The following IMMP2L variants were observed in gnomAD, a reference collection of about 807,000 sequenced individuals.
The protein encoded by IMMP2L is mitochondrial inner membrane protease subunit 2.
In IMMP2L, 18 loss-of-function variants were observed where a neutral mutation model predicts 19.3. The ratio of observed to expected loss-of-function variants is 0.93; its 90% CI spans 0.64 to 1.38. The LOEUF (loss-of-function observed/expected upper bound fraction) is 1.38. IMMP2L is among the 40% of genes most tolerant of loss of function. The pLI is 0.00. For missense variants in IMMP2L, 233 were observed against 218.2 expected, an observed-to-expected ratio of 1.07 and a Z score of -0.43; for synonymous variants, 76 against 73.0, an observed-to-expected ratio of 1.04 and a Z score of -0.21.
At chr7:111,485,261 G>C (rs1842531650) in intron 3 of IMMP2L, among the ~76,000 whole-genome samples, 1 of 151,852 alleles carries the variant, frequency 6.6e-6, no homozygotes. Flanking sequence ...GAAAGTTTGT[G>C]TTATTTGTAC....
intron 3 of IMMP2L, among the ~76,000 whole-genome samples, chr7:111,324,751 G>A (rs1212770107): frequency 6.6e-6 from 1 of 151,726 alleles, no homozygotes; most frequent in Non-Finnish European, 1.5e-5. Flanking sequence ...ACAACAATCT[G>A]TTTATTGACA....
At chr7:111,492,261 A>C (rs1843175539) in intron 2 of IMMP2L, 1 of 348,530 alleles carries the variant, frequency 2.9e-6, no homozygotes, top group African/African-American at 2.2e-5. Flanking sequence ...AGATTTTCAA[A>C]ATTAACAAGG....
intron 3 of IMMP2L, among the ~76,000 whole-genome samples, chr7:111,332,477 GAC>G (rs1288894129): frequency 3.3e-5 from 5 of 151,750 alleles, no homozygotes; most frequent in African/African-American, 1.2e-4. Flanking sequence ...TCACAATAAA[GAC>G]ATATTAAATA....
intron 5 of IMMP2L, among the ~76,000 whole-genome samples, chr7:110,795,849 G>T (rs2131178817): frequency 6.6e-6 from 1 of 152,208 alleles, no homozygotes. Context: ...CCCAAGGAGA[G>T]CATTATACAA....
In IMMP2L at chr7:110,728,163, A is replaced by G. The variant is rs1285821978; in HGVS notation, c.409-64442T>C. On this transcript the variant is annotated intron_variant, in intron 5 of 5. Transcript: ENST00000405709. This position sits in a 1 kb window ranked among gnomAD's most constrained non-coding sequence, Gnocchi z 4.6. Reference sequence around the variant, plus strand: ...GGCCAATAGTAAGCATTCATACATAATATCTGCCATGCTTGTTGTTGTTGT... The same window carrying G: ...GGCCAATAGTAAGCATTCATACATAGTATCTGCCATGCTTGTTGTTGTTGT... Among the ~76,000 whole-genome samples the G allele has an allele frequency of 6.6e-6, 1 of 152,166 alleles. No individual in the cohort carries two copies. Among genetic ancestry groups the G allele is most frequent in the East Asian group, 1.9e-4 (1 of 5,200 alleles).
chr7:111,358,497 G>A (rs1160528248), intron 3 of IMMP2L, among the ~76,000 whole-genome samples: 5 of 151,748 alleles, frequency 3.3e-5, no homozygotes, highest in Non-Finnish European at 7.4e-5. Flanking sequence ...ATAATCTTTG[G>A]TTACCATAAT....
At chr7:111,260,577 T>A (rs780534924) in intron 3 of IMMP2L, among the ~76,000 whole-genome samples, 1 of 152,102 alleles carries the variant, frequency 6.6e-6, no homozygotes, top group Non-Finnish European at 1.5e-5. Flanking sequence ...ATGGCACCTA[T>A]AAGGTAATGT....
intron 3 of IMMP2L, among the ~76,000 whole-genome samples, chr7:111,221,084 C>T (rs1375384930): frequency 6.6e-6 from 1 of 151,970 alleles, no homozygotes; most frequent in Non-Finnish European, 1.5e-5. Flanking sequence ...GTTGCCTAGT[C>T]AAGTTGACAC....
At chr7:111,505,238 G>A (rs1225186373) in intron 2 of IMMP2L, among the ~76,000 whole-genome samples, 3 of 151,206 alleles carry the variant, frequency 2.0e-5, no homozygotes, top group African/African-American at 4.9e-5. Flanking sequence ...CATCATCACT[G>A]GCCATCAGAG....
chr7:111,355,547 C>A (rs1828612338), intron 3 of IMMP2L, among the ~76,000 whole-genome samples: 1 of 151,456 alleles, frequency 6.6e-6, no homozygotes, highest in African/African-American at 2.4e-5. Flanking sequence ...CTCATAAATA[C>A]CCACCAGTTT....
intron 3 of IMMP2L, among the ~76,000 whole-genome samples, chr7:111,377,867 T>C (rs1029232722): frequency 6.6e-6 from 1 of 152,028 alleles, no homozygotes; most frequent in African/African-American, 2.4e-5. Context: ...TCCACATATA[T>C]ATCTTATCAT....
intron 3 of IMMP2L, among the ~76,000 whole-genome samples, chr7:111,079,561 A>T (rs2129576256): frequency 6.6e-6 from 1 of 152,346 alleles, no homozygotes; most frequent in South Asian, 2.1e-4. Flanking sequence ...AATGTCCCAA[A>T]TCGCACATGA....
intron 5 of IMMP2L, among the ~76,000 whole-genome samples, chr7:110,790,960 T>C (rs1800421773): frequency 6.6e-6 from 1 of 151,502 alleles, no homozygotes; most frequent in African/African-American, 2.4e-5. Flanking sequence ...CACATACAGA[T>C]GGCCTAACTG....
At position 111,092,357 on chromosome 7, in the gene IMMP2L, A is replaced by G. The variant is rs78285539; in HGVS notation, c.240-128792T>C. Among the ~76,000 whole-genome samples the G allele has an allele frequency of 8.9e-3, 1,352 of 152,288 alleles. 21 individuals are homozygous for G. Among genetic ancestry groups the G allele is most frequent in the African/African-American group, 0.03 (1,226 of 41,556 alleles). ...AAATTGTTTGTTCTAACCAACTGCT[A>G]TATTCCCTTTGCTGTTGTTGAGCTG... On this transcript the variant is annotated intron_variant, in intron 3 of 5. Coordinates refer to ENST00000405709, the MANE Select transcript of IMMP2L (RefSeq NM_032549.4).
chr7:111,212,142 C>A (rs928882442), intron 3 of IMMP2L, among the ~76,000 whole-genome samples: 4 of 150,714 alleles, frequency 2.7e-5, no homozygotes, highest in Non-Finnish European at 4.4e-5. Context: ...TAAACCAGAT[C>A]TCTCTGTCTC....
At chr7:111,521,233 TA>T in intron 2 of IMMP2L, 79 bp downstream of exon 2, 2 of 1,406,932 alleles carry the variant, frequency 1.4e-6, no homozygotes, top group Non-Finnish European at 1.9e-6. Context: ...AGAATAGGAA[TA>T]ATAATTAGCA....
At chr7:110,894,407 C>T (rs1811118170) in intron 4 of IMMP2L, among the ~76,000 whole-genome samples, 1 of 152,162 alleles carries the variant, frequency 6.6e-6, no homozygotes, top group Admixed American at 6.6e-5. Flanking sequence ...TTGATATTAT[C>T]ATTCTTTCCA....
intron 3 of IMMP2L, among the ~76,000 whole-genome samples, chr7:111,473,755 G>T (rs1294531430): frequency 6.6e-6 from 1 of 152,168 alleles, no homozygotes; most frequent in Non-Finnish European, 1.5e-5. Context: ...ATGGAAAGAA[G>T]TTTGGAGATT....
At chr7:110,898,560 G>A (rs1278951549) in intron 4 of IMMP2L, among the ~76,000 whole-genome samples, 1 of 152,054 alleles carries the variant, frequency 6.6e-6, no homozygotes, top group Admixed American at 6.6e-5. Flanking sequence ...GCTATTTATT[G>A]CATAGATTGG....
Sources: allele counts gnomAD v4.1 joint callset (sites outside exome capture counted in the v4.1 genomes callset), GRCh38; gene constraint gnomAD v4.1.1; non-coding constraint Gnocchi (gnomAD v3.1); transcripts MANE v1.5; gene names NCBI Gene and HGNC (gene_info 2026-07-23, HGNC 2026-07-21).